FARS2: variants seen among roughly 807,000 people sequenced by gnomAD.
FARS2 encodes the protein phenylalanine--tRNA ligase, mitochondrial.
FARS2 carries 40 observed loss-of-function variants against 46.4 expected under a neutral mutation model. The ratio of observed to expected loss-of-function variants is 0.86; its 90% confidence interval spans 0.67 to 1.12. FARS2 has a LOEUF of 1.12. FARS2 is among the 50% of genes most tolerant of loss of function. FARS2 has a pLI of 0.00. For missense variants in FARS2, 513 were observed against 567.9 expected (o/e 0.90, Z 0.98); for synonymous variants, 234 against 214.9 (o/e 1.09, Z -0.78).
chr6:5,585,400 A>G (rs1428241792), intron 5 of FARS2, among the ~76,000 whole-genome samples: 1 of 152,176 alleles, frequency 6.6e-6, no homozygotes, highest in Non-Finnish European at 1.5e-5. Flanking sequence ...TAGTAACCAT[A>G]CTGTGTATTA....
At chr6:5,511,597 A>G (rs1768456768) in intron 4 of FARS2, among the ~76,000 whole-genome samples, 1 of 152,206 alleles carries the variant, frequency 6.6e-6, no homozygotes, top group Admixed American at 6.5e-5. Context: ...CAAAGAGAAA[A>G]ACAGAAGAGT....
At chr6:5,762,337 C>T (rs1360639737) in intron 6 of FARS2, among the ~76,000 whole-genome samples, 1 of 152,142 alleles carries the variant, frequency 6.6e-6, no homozygotes, top group African/African-American at 2.4e-5. Context: ...AGAACTAGCC[C>T]AAGACTCTGT....
At chr6:5,647,446 A>G (rs892990480) in intron 6 of FARS2, among the ~76,000 whole-genome samples, 4 of 152,260 alleles carry the variant, frequency 2.6e-5, no homozygotes, top group African/African-American at 9.6e-5. Context: ...AACACGAGCT[A>G]GGAAAGGTAG....
intron 5 of FARS2, among the ~76,000 whole-genome samples, chr6:5,567,282 A>G (rs756199608): frequency 3.9e-5 from 6 of 152,168 alleles, no homozygotes; most frequent in Non-Finnish European, 8.8e-5. Context: ...GCATCTTTTC[A>G]TGTAATTGTT....
intron 5 of FARS2, among the ~76,000 whole-genome samples, chr6:5,561,196 A>G: frequency 6.6e-6 from 1 of 152,314 alleles, no homozygotes; most frequent in East Asian, 1.9e-4. Flanking sequence ...CTCTTAATAT[A>G]TTGATTTAAA....
At chr6:5,509,585 A>G (rs1305561366) in intron 4 of FARS2, among the ~76,000 whole-genome samples, 1 of 152,222 alleles carries the variant, frequency 6.6e-6, no homozygotes, top group Non-Finnish European at 1.5e-5. Flanking sequence ...GAGAGGTCCC[A>G]GCTACTTGTG....
chr6:5,669,027 C>T, intron 6 of FARS2, among the ~76,000 whole-genome samples: 1 of 152,124 alleles, frequency 6.6e-6, no homozygotes, highest in East Asian at 1.9e-4. Context: ...CTTCTCTAGG[C>T]CTCAAGGGCT....
intron 2 of FARS2, among the ~76,000 whole-genome samples, chr6:5,388,914 A>G (rs1376188430): frequency 1.3e-5 from 2 of 152,036 alleles, no homozygotes; most frequent in Admixed American, 6.6e-5. Context: ...CTTTTAAAAA[A>G]TCCCTTTTGT....
intron 1 of FARS2, among the ~76,000 whole-genome samples, chr6:5,299,077 C>G (rs1768101359): frequency 6.6e-6 from 1 of 152,094 alleles, no homozygotes; most frequent in South Asian, 2.1e-4. Context: ...CTAGTTTATT[C>G]TGCAGAGCCT....
chr6:5,519,545 C>T (rs980547752), intron 4 of FARS2, among the ~76,000 whole-genome samples: 1 of 151,774 alleles, frequency 6.6e-6, no homozygotes, highest in African/African-American at 2.4e-5. Context: ...AGACAGACTG[C>T]TGAGTGAGGA....
rs186043214 is a variant in FARS2 at position 5,502,851 on chromosome 6, C to T, written c.905-42329C>T. On this transcript the variant is annotated intron_variant, in intron 4 of 6. Coordinates refer to ENST00000274680, the MANE Select transcript of FARS2 (RefSeq NM_006567.5). ...AAGTGATCCTGCCAATTTTATATCA[C>T]AGCCATCTCATCAGATACTTCAAAT... Among the ~76,000 whole-genome samples the T allele has an allele frequency of 4.2e-3, 635 of 152,290 alleles. 3 individuals carry two copies. Among genetic ancestry groups the T allele is most frequent in the African/African-American group, 0.015 (603 of 41,562 alleles).
intron 4 of FARS2, among the ~76,000 whole-genome samples, chr6:5,524,204 A>G (rs1279889974): frequency 6.6e-6 from 1 of 152,248 alleles, no homozygotes; most frequent in East Asian, 1.9e-4. Context: ...AGCAATCCAT[A>G]AGACACTAAA....
In FARS2 at chr6:5,749,537, A is replaced by G. The variant is rs376850809; in HGVS notation, c.1218-21754A>G. The stretch of plus-strand genomic sequence containing the variant: ...TGGCACTGACCCAGGCGGGGCAGAT[A>G]CAGCTGCTGGTCCTTCAGACCAACC... On this transcript the variant is annotated intron_variant, in intron 6 of 6. Coordinates refer to ENST00000274680, the MANE Select transcript of FARS2 (RefSeq NM_006567.5). 6.2e-4 allele frequency among the ~76,000 whole-genome samples: 94 copies of G among 152,276 alleles called. 2 individuals are homozygous for G. In the East Asian group the frequency reaches 0.011, roughly 17 times the overall value.
At chr6:5,260,874 C>G, upstream of FARS2, 1 of 1,446,584 alleles carries the variant, frequency 6.9e-7, no homozygotes, top group Non-Finnish European at 9.0e-7. Flanking sequence ...GGGCCTAAGC[C>G]TAAGCGGGCA....
chr6:5,306,205 T>C (rs753879566), intron 1 of FARS2, among the ~76,000 whole-genome samples: 7 of 152,180 alleles, frequency 4.6e-5, no homozygotes, highest in Non-Finnish European at 8.8e-5. Context: ...TTTCCTCCTT[T>C]CTTTCCAGAA....
chr6:5,432,533 T>A (rs1763284617), intron 4 of FARS2, among the ~76,000 whole-genome samples: 1 of 138,244 alleles, frequency 7.2e-6, no homozygotes, highest in African/African-American at 2.8e-5. Context: ...ATATATTTTT[T>A]TTTTTCAGAG....
At chr6:5,407,083 A>G (rs1761659258) in intron 3 of FARS2, among the ~76,000 whole-genome samples, 1 of 142,054 alleles carries the variant, frequency 7.0e-6, no homozygotes, top group Non-Finnish European at 1.5e-5. Context: ...CAATAAATAT[A>G]TGAAAAGATG....
chr6:5,431,274 G>A (rs958258495), intron 4 of FARS2, 102 bp downstream of exon 4: 17 of 1,177,924 alleles, frequency 1.4e-5, no homozygotes, highest in South Asian at 7.2e-5. Context: ...ACTTCTATGC[G>A]GGCAGCGGCA....
chr6:5,463,852 A>G (rs1340745857), intron 4 of FARS2, among the ~76,000 whole-genome samples: 3 of 152,134 alleles, frequency 2.0e-5, no homozygotes, highest in Non-Finnish European at 4.4e-5. Flanking sequence ...GGTTTACATT[A>G]CTGATTTCCT....
Sources: allele counts gnomAD v4.1 joint callset (sites outside exome capture counted in the v4.1 genomes callset), GRCh38; gene constraint gnomAD v4.1.1; transcripts MANE v1.5; gene names NCBI Gene and HGNC (gene_info 2026-07-23, HGNC 2026-07-21).